CSMD2: variants seen among roughly 807,000 people sequenced by gnomAD.
CSMD2 encodes the protein CUB and sushi domain-containing protein 2.
In CSMD2, 130 loss-of-function variants were observed where a neutral mutation model predicts 398.5. That is an observed-to-expected ratio of 0.33 (90% confidence interval 0.28 to 0.38). CSMD2 has a LOEUF of 0.38. Among genes scored for constraint, CSMD2 ranks in the 10% least tolerant of loss-of-function variants. The pLI is 1.00. For synonymous variants in CSMD2, 1,828 were observed against 1,908.5 expected (o/e 0.96, Z 1.10); for missense variants, 3,829 against 4,764.9 (o/e 0.80, Z 5.78).
intron 39 of CSMD2, 114 bp from the exon 40 acceptor site, chr1:33,614,734 T>TAGCC (rs1641273401): frequency 1.6e-6 from 1 of 632,172 alleles, no homozygotes; most frequent in Non-Finnish European, 2.9e-6. Flanking sequence ...ATGAGTCATA[T>TAGCC]AGCCCCTTGA....
chr1:34,114,915 A>T lies in CSMD2; in HGVS notation c.188-25722T>A, dbSNP rs552817984. Among the ~76,000 whole-genome samples the T allele has an allele frequency of 4.1e-4, 63 of 152,292 alleles. No individual in the cohort carries two copies. The South Asian group carries it at 0.011, about 28-fold the overall frequency. On this transcript the variant is annotated intron_variant, in intron 1 of 70. Transcript: ENST00000373381. Reference sequence around the variant, plus strand: ...AAAAAGTTAGAAACTATAATACAAGATCAAACAGAAATTCTAGAGCTGAAG... The same window carrying T: ...AAAAAGTTAGAAACTATAATACAAGTTCAAACAGAAATTCTAGAGCTGAAG...
At chr1:34,133,005 G>A (rs533779069) in intron 1 of CSMD2, among the ~76,000 whole-genome samples, 1 of 144,728 alleles carries the variant, frequency 6.9e-6, no homozygotes, top group African/African-American at 2.6e-5. Context: ...GGTGAACCTT[G>A]ACTAATACAG....
At chr1:33,520,439 A>G (rs1308212087) in intron 68 of CSMD2, among the ~76,000 whole-genome samples, 6 of 152,166 alleles carry the variant, frequency 3.9e-5, no homozygotes, top group African/African-American at 1.4e-4. Flanking sequence ...GAAGAACACA[A>G]GTAGAAACTG....
At chr1:33,963,445 C>T (rs980198148) in intron 3 of CSMD2, among the ~76,000 whole-genome samples, 1 of 152,168 alleles carries the variant, frequency 6.6e-6, no homozygotes, top group African/African-American at 2.4e-5. Flanking sequence ...AAAATGTACA[C>T]TTTGTTACAT....
intron 1 of CSMD2, among the ~76,000 whole-genome samples, chr1:34,126,508 G>A (rs1662755223): frequency 1.3e-5 from 2 of 152,182 alleles, no homozygotes; most frequent in South Asian, 2.1e-4. Flanking sequence ...TGCAGCCACT[G>A]CCCATCCCCC....
intron 1 of CSMD2, among the ~76,000 whole-genome samples, chr1:34,104,319 T>C (rs1335002977): frequency 6.6e-6 from 1 of 152,254 alleles, no homozygotes; most frequent in Non-Finnish European, 1.5e-5. Flanking sequence ...GTTGGTTCCC[T>C]TGGGTGTTTT....
At chr1:33,587,019 TC>T in intron 45 of CSMD2, 68 bp downstream of exon 45, 8 of 1,262,348 alleles carry the variant, frequency 6.3e-6, no homozygotes, top group African/African-American at 3.0e-5. Flanking sequence ...GCCCGACAGC[TC>T]CCCCCGCCAC....
chr1:34,063,080 TG>T (rs1654705376), intron 2 of CSMD2, among the ~76,000 whole-genome samples: 1 of 152,064 alleles, frequency 6.6e-6, no homozygotes, highest in Non-Finnish European at 1.5e-5. Context: ...AAGAACAGTA[TG>T]GGGGAAACCG....
At chr1:33,626,629 G>A (rs776061593) in intron 32 of CSMD2, 48 bp from the exon 33 acceptor site, 5 of 1,403,200 alleles carry the variant, frequency 3.6e-6, no homozygotes, top group Non-Finnish European at 1.9e-6. Context: ...TCCAGCAGGT[G>A]GGCCCAGAAG....
intron 2 of CSMD2, among the ~76,000 whole-genome samples, chr1:34,068,515 G>C (rs1247466664): frequency 6.6e-6 from 1 of 152,164 alleles, no homozygotes; most frequent in African/African-American, 2.4e-5. Flanking sequence ...TTATTCACCT[G>C]TGTATACATG....
intron 22 of CSMD2, among the ~76,000 whole-genome samples, chr1:33,705,179 T>C (rs1183914733): frequency 6.6e-6 from 1 of 152,146 alleles, no homozygotes; most frequent in Non-Finnish European, 1.5e-5. Flanking sequence ...TTATGATTTA[T>C]GAATACGATG....
chr1:34,073,642 G>A (rs1369143633), intron 2 of CSMD2, among the ~76,000 whole-genome samples: 1 of 152,278 alleles, frequency 6.6e-6, no homozygotes, highest in South Asian at 2.1e-4. Context: ...AAAGGAAAAA[G>A]GAATGGATTT....
intron 13 of CSMD2, among the ~76,000 whole-genome samples, chr1:33,751,178 A>T (rs1349811790): frequency 6.6e-6 from 1 of 152,102 alleles, no homozygotes; most frequent in Non-Finnish European, 1.5e-5. Flanking sequence ...AGAAAACAAA[A>T]ACTTAAAACA....
chr1:33,772,590 C>T lies in CSMD2; in HGVS notation c.1825G>A (p.Ala609Thr). 1 of 1,613,660 alleles carries T rather than the reference C, an allele frequency of 6.2e-7. No individual in the cohort carries two copies. Among genetic ancestry groups the T allele is most frequent in the South Asian group, 1.1e-5 (1 of 91,036 alleles). ...ITCQKNNQWS[A>T]KKPGCVFSCF... ...TTACACACGCAGCCTGGCTTCTTAGCCGACCATTGGTTATTCTTTTGGCAT... is the reference window on the plus strand; with the variant it reads ...TTACACACGCAGCCTGGCTTCTTAGTCGACCATTGGTTATTCTTTTGGCAT... Residue 609 changes from alanine (A) to threonine (T), a missense_variant, in exon 13 of 71, where the codon GCT becomes ACT. By Grantham distance (58) the Ala-to-Thr change is moderately conservative (BLOSUM62 0). This residue lies in a region of CSMD2 where 2,001 missense variants were observed against 2,567.1 expected (regional missense o/e 0.78). Transcript: ENST00000373381.
At chr1:33,919,759 C>G (rs1329724967) in intron 4 of CSMD2, among the ~76,000 whole-genome samples, 1 of 152,164 alleles carries the variant, frequency 6.6e-6, no homozygotes, top group Non-Finnish European at 1.5e-5. Flanking sequence ...GCTCAAGGCG[C>G]AGTGATAGCA....
Position 34,089,210 on chromosome 1 carries a change from G to A in CSMD2, c.188-17C>T. On this transcript the variant is annotated splice_polypyrimidine_tract_variant and intron_variant, in intron 1 of 70. Transcript: ENST00000373381. Reference sequence around the variant, plus strand: ...AGTTCTGGCCTGGGAAAGAGAAATGGAGCAGTTCAGAATAGCCAGAATAAC... The same window carrying A: ...AGTTCTGGCCTGGGAAAGAGAAATGAAGCAGTTCAGAATAGCCAGAATAAC... 1.2e-6 allele frequency: 2 copies of A among 1,609,614 alleles called. No homozygotes were observed. The highest frequency in any genetic ancestry group is 1.7e-6 in the Non-Finnish European group (2 of 1,176,488).
intron 14 of CSMD2, among the ~76,000 whole-genome samples, chr1:33,742,741 G>A (rs1276314240): frequency 6.6e-6 from 1 of 152,150 alleles, no homozygotes; most frequent in African/African-American, 2.4e-5. Context: ...CCTAAGAGTT[G>A]TCCCCAGTAA....
chr1:34,165,722 G>A, upstream of CSMD2: 1 of 1,610,888 alleles, frequency 6.2e-7, no homozygotes, highest in Admixed American at 1.7e-5. Flanking sequence ...AAAGAAGGAC[G>A]CGTTCCCCAA....
At chr1:34,107,073 G>T (rs1403407607) in intron 1 of CSMD2, among the ~76,000 whole-genome samples, 1 of 152,080 alleles carries the variant, frequency 6.6e-6, no homozygotes, top group East Asian at 1.9e-4. Flanking sequence ...AGCAGCAAGA[G>T]AAAGGGCCAG....
Sources: gnomAD v4.1 joint callset for allele counts (sites outside exome capture counted in the v4.1 genomes callset) on GRCh38, gnomAD v4.1.1 for gene constraint, gnomAD v4.1.1 regional missense constraint, MANE v1.5 for transcripts, NCBI Gene and HGNC (gene_info 2026-07-23, HGNC 2026-07-21) for gene names.